ARHGEF3: variants seen among roughly 807,000 people sequenced by gnomAD.
The protein encoded by ARHGEF3 is 59.8 kDA protein.
ARHGEF3 carries 28 observed loss-of-function variants against 63.2 expected under a neutral mutation model. That is an observed-to-expected ratio of 0.44 (90% CI 0.33 to 0.61). The LOEUF (loss-of-function observed/expected upper bound fraction) is 0.61. Ranked by LOEUF, ARHGEF3 falls within the 20% of genes least tolerant of loss-of-function variation. The pLI is 0.03. For synonymous variants in ARHGEF3, 266 were observed against 254.2 expected (o/e 1.05, Z -0.44); for missense variants, 533 against 659.3 (o/e 0.81, Z 2.10).
At chr3:56,977,005 C>G (rs781693308) in intron 2 of ARHGEF3, among the ~76,000 whole-genome samples, 1 of 151,918 alleles carries the variant, frequency 6.6e-6, no homozygotes, top group Non-Finnish European at 1.5e-5. Context: ...TACTACTATT[C>G]GTACTGTGCT....
chr3:56,958,924 T>C, intron 2 of ARHGEF3: 2 of 1,530,000 alleles, frequency 1.3e-6, no homozygotes, highest in Admixed American at 2.0e-5. Context: ...CATTATTCAG[T>C]GGTTGGATAT....
intron 1 of ARHGEF3, among the ~76,000 whole-genome samples, chr3:56,777,001 C>T (rs1244148718): frequency 6.6e-6 from 1 of 152,178 alleles, no homozygotes; most frequent in Non-Finnish European, 1.5e-5. Flanking sequence ...TCATCTTTTC[C>T]AGGCCTTATA....
intron 2 of ARHGEF3, among the ~76,000 whole-genome samples, chr3:57,024,145 A>C (rs2107175548): frequency 6.6e-6 from 1 of 152,234 alleles, no homozygotes; most frequent in South Asian, 2.1e-4. Context: ...TCGGGAACCC[A>C]CCACTCCCCA....
At chr3:56,758,544 T>C (rs2035235709) in intron 2 of ARHGEF3, among the ~76,000 whole-genome samples, 1 of 152,226 alleles carries the variant, frequency 6.6e-6, no homozygotes, top group Non-Finnish European at 1.5e-5. Context: ...ACGCTCACTC[T>C]GCAAGTAGCA....
chr3:56,738,196 C>T (rs914329251), intron 7 of ARHGEF3, among the ~76,000 whole-genome samples: 5 of 152,122 alleles, frequency 3.3e-5, no homozygotes, highest in Non-Finnish European at 7.4e-5. Context: ...GGCACCACCA[C>T]GCCCAGCTAA....
chr3:56,807,967 T>C lies in ARHGEF3; in HGVS notation c.193-34151A>G, dbSNP rs192882454. Among the ~76,000 whole-genome samples, 125 of 151,646 alleles carry C rather than the reference T, an allele frequency of 8.2e-4. 1 individual carries two copies. The Middle Eastern group carries it at 0.014, about 17-fold the overall frequency. ...GGTGAAACCCCGTCTCTACTAAAAA[T>C]ACGAAAATTAGCCAGGCATGGTGGC... On this transcript the variant is annotated intron_variant, in intron 4 of 12. Transcript: ENST00000338458.
chr3:56,879,501 C>G (rs2040698428), intron 4 of ARHGEF3, among the ~76,000 whole-genome samples: 1 of 152,170 alleles, frequency 6.6e-6, no homozygotes, highest in Non-Finnish European at 1.5e-5. Flanking sequence ...TCTCCAAAGA[C>G]CTGTCCCCTC....
chr3:56,729,227 C>T lies in ARHGEF3; in HGVS notation c.*43G>A. 2 of 1,540,204 alleles carry T rather than the reference C, an allele frequency of 1.3e-6. No homozygotes were observed. The highest frequency in any genetic ancestry group is 8.8e-7 in the Non-Finnish European group (1 of 1,130,570). On this transcript the variant is annotated 3_prime_UTR_variant, in exon 10 of 10. Coordinates refer to ENST00000296315, the MANE Select transcript of ARHGEF3 (RefSeq NM_019555.3). Reference sequence around the variant, plus strand: ...CCATCTGTGGAATGCAAATACTGTACAGGTAAGATGCAGGCCTGCTTCCCG... The same window carrying T: ...CCATCTGTGGAATGCAAATACTGTATAGGTAAGATGCAGGCCTGCTTCCCG...
chr3:56,991,564 A>G (rs1402285197), intron 2 of ARHGEF3, among the ~76,000 whole-genome samples: 1 of 152,222 alleles, frequency 6.6e-6, no homozygotes, highest in Non-Finnish European at 1.5e-5. Context: ...ATTCTGTCAG[A>G]TACAGTCTCA....
At chr3:56,985,841 G>C (rs1378819187) in intron 2 of ARHGEF3, among the ~76,000 whole-genome samples, 1 of 152,150 alleles carries the variant, frequency 6.6e-6, no homozygotes, top group African/African-American at 2.4e-5. Context: ...CCACAGGTGG[G>C]GCTGGGGGTG....
intron 2 of ARHGEF3, among the ~76,000 whole-genome samples, chr3:57,034,879 G>A (rs915616208): frequency 4.6e-5 from 7 of 151,568 alleles, no homozygotes; most frequent in African/African-American, 1.5e-4. Context: ...GGCTGGTCTC[G>A]AACTCCTGGA....
intron 3 of ARHGEF3, among the ~76,000 whole-genome samples, chr3:56,886,746 A>T (rs1344982731): frequency 6.6e-6 from 1 of 152,200 alleles, no homozygotes; most frequent in African/African-American, 2.4e-5. Context: ...TTTGATCCTC[A>T]TAACTACCCC....
At chr3:57,002,498 T>TA (rs747886010) in intron 2 of ARHGEF3, among the ~76,000 whole-genome samples, 449 of 13,452 alleles carry the variant, frequency 0.033, 29 homozygotes, top group African/African-American at 0.091. Flanking sequence ...TATATATATG[T>TA]TATATATATA....
chr3:57,028,633 G>A (rs1703580471), intron 2 of ARHGEF3, among the ~76,000 whole-genome samples: 1 of 139,926 alleles, frequency 7.1e-6, no homozygotes, highest in Non-Finnish European at 1.5e-5. Context: ...CATGGCACAT[G>A]TATACATATG....
chr3:56,780,377 G>A (rs1273016907), intron 1 of ARHGEF3, among the ~76,000 whole-genome samples: 1 of 152,190 alleles, frequency 6.6e-6, no homozygotes, highest in East Asian at 1.9e-4. Flanking sequence ...TTACAGAAGA[G>A]TTGCAAAATT....
At chr3:56,942,207 T>C (rs11707623) in intron 3 of ARHGEF3, among the ~76,000 whole-genome samples, 17,588 of 152,294 alleles carry the variant, frequency 0.12, 1,282 homozygotes, top group East Asian at 0.25. Context: ...CTTGGCTTTA[T>C]TGCACTTTGC....
At chr3:56,944,252 C>T (rs1010375183) in intron 3 of ARHGEF3, among the ~76,000 whole-genome samples, 2 of 152,154 alleles carry the variant, frequency 1.3e-5, no homozygotes, top group African/African-American at 4.8e-5. Context: ...CCTCTGGTGG[C>T]TGTGGGCAAA....
At chr3:56,782,308 T>G (rs535771660) in intron 1 of ARHGEF3, among the ~76,000 whole-genome samples, 7 of 152,304 alleles carry the variant, frequency 4.6e-5, no homozygotes, top group African/African-American at 1.7e-4. Context: ...TCAGAATTAT[T>G]GGTTTTTAAC....
chr3:56,775,287 T>G, intron 1 of ARHGEF3: 1 of 1,236,252 alleles, frequency 8.1e-7, no homozygotes, highest in Non-Finnish European at 1.0e-6. Context: ...GACACTCTCA[T>G]GTCATTTTAT....
Sources: gnomAD v4.1 joint callset for allele counts (sites outside exome capture counted in the v4.1 genomes callset) on GRCh38, gnomAD v4.1.1 for gene constraint, MANE v1.5 for transcripts, NCBI Gene and HGNC (gene_info 2026-07-23, HGNC 2026-07-21) for gene names.